Variants in LINGO2 observed in about 807,000 individuals in gnomAD.
The protein encoded by LINGO2 is leucine-rich repeat and immunoglobulin-like domain-containing nogo receptor-interacting protein 2.
LINGO2 carries 14 observed loss-of-function variants against 30.6 expected under a neutral mutation model. The ratio of observed to expected loss-of-function variants is 0.46; its 90% CI spans 0.30 to 0.72. The LOEUF (loss-of-function observed/expected upper bound fraction) is 0.72. LINGO2 is among the 30% of genes least tolerant of loss of function. LINGO2 has a pLI of 0.07. For missense variants in LINGO2, 729 were observed against 751.7 expected (o/e 0.97, Z 0.35); for synonymous variants, 317 against 288.5 (o/e 1.10, Z -1.00).
chr9:29,033,378 C>CTATATATATATATATATATATATATATA, the LINGO2 span, among the ~76,000 whole-genome samples: 549 of 140,208 alleles, frequency 3.9e-3, 3 homozygotes, highest in Non-Finnish European at 6.1e-3. Flanking sequence ...AACTGCTTTA[C>CTATATATATATATATATATATATATATA]TATATATATA....
chr9:28,787,895 A>C, the LINGO2 span, among the ~76,000 whole-genome samples: 1 of 152,096 alleles, frequency 6.6e-6, no homozygotes, highest in Non-Finnish European at 1.5e-5. Context: ...TCTTCAACAC[A>C]TTTTCTCTTT....
intron 3 of LINGO2, among the ~76,000 whole-genome samples, chr9:28,322,855 G>A (rs146030675): frequency 2.0e-4 from 31 of 152,218 alleles, no homozygotes; most frequent in African/African-American, 7.0e-4. Context: ...AAAGTAATAA[G>A]ATTGCCTGAC....
chr9:28,288,748 T>C (rs1362890446), intron 4 of LINGO2, among the ~76,000 whole-genome samples: 1 of 152,176 alleles, frequency 6.6e-6, no homozygotes, highest in Admixed American at 6.6e-5. Context: ...CCTCACTAAA[T>C]TCTCAAGATT....
rs540768628 is a variant in LINGO2 at position 28,405,045 on chromosome 9, A to AT, written c.-278-32178_-278-32177insA. Among the ~76,000 whole-genome samples the AT allele has an allele frequency of 5.9e-4, 90 of 152,260 alleles. 1 individual carries two copies. In the South Asian group the frequency reaches 0.019, roughly 32 times the overall value. On this transcript the variant is annotated intron_variant, in intron 2 of 5. Coordinates refer to ENST00000379992, the Ensembl canonical transcript of LINGO2. The stretch of plus-strand genomic sequence containing the variant: ...AATTAAATTTAAAAAGATCTAACTC[A>AT]ATAAGGAGAAGTGTGCCTTTCTCGT...
chr9:28,040,845 A>G (rs985106505), intron 4 of LINGO2, among the ~76,000 whole-genome samples: 2 of 152,140 alleles, frequency 1.3e-5, no homozygotes, highest in Admixed American at 6.5e-5. Flanking sequence ...TTTTCCCACT[A>G]AAAAATATAC....
chr9:28,832,231 C>G, the LINGO2 span, among the ~76,000 whole-genome samples: 18 of 152,252 alleles, frequency 1.2e-4, no homozygotes, highest in East Asian at 3.5e-3. Flanking sequence ...ATTCTTATTA[C>G]CATTTCCTTT....
chr9:28,452,340 G>T (rs1195479048), intron 2 of LINGO2, among the ~76,000 whole-genome samples: 1 of 151,690 alleles, frequency 6.6e-6, no homozygotes, highest in Non-Finnish European at 1.5e-5. Context: ...TTTAGTAGAA[G>T]GCTTGTGTCC....
chr9:29,126,985 C>T, the LINGO2 span, among the ~76,000 whole-genome samples: 1 of 152,092 alleles, frequency 6.6e-6, no homozygotes, highest in Non-Finnish European at 1.5e-5. Flanking sequence ...ACCAGTCAGA[C>T]TGGTCATGGG....
chr9:28,050,227 G>A (rs914179498), intron 4 of LINGO2, among the ~76,000 whole-genome samples: 2 of 150,578 alleles, frequency 1.3e-5, no homozygotes, highest in African/African-American at 4.9e-5. Flanking sequence ...GGTACCATGT[G>A]CCTGGCAGTA....
In LINGO2 at chr9:28,070,877, A is replaced by G. The variant is rs570525166; in HGVS notation, c.-86-58472T>C. Reference sequence around the variant, plus strand: ...ACAGCATGAGTAATCATGTCTGCCTATTTTTTAAAATTCTTATTTTTAGTA... The same window carrying G: ...ACAGCATGAGTAATCATGTCTGCCTGTTTTTTAAAATTCTTATTTTTAGTA... On this transcript the variant is annotated intron_variant, in intron 4 of 5. Transcript: ENST00000379992. Among the ~76,000 whole-genome samples, 15 of 152,054 alleles carry G rather than the reference A, an allele frequency of 9.9e-5. No homozygotes were observed. The South Asian group carries it at 3.1e-3, about 32-fold the overall frequency.
the LINGO2 span, among the ~76,000 whole-genome samples, chr9:28,931,486 T>G: frequency 6.6e-6 from 1 of 152,288 alleles, no homozygotes; most frequent in East Asian, 1.9e-4. Flanking sequence ...CAGGAAGAGA[T>G]CAGATAGCCT....
At chr9:27,946,276 T>C (rs1823361122), downstream of LINGO2, among the ~76,000 whole-genome samples, 1 of 152,156 alleles carries the variant, frequency 6.6e-6, no homozygotes. Context: ...ATTTCCCTGA[T>C]AGACTGGTCA....
intron 2 of LINGO2, among the ~76,000 whole-genome samples, chr9:28,425,588 G>A (rs2134908209): frequency 6.6e-6 from 1 of 152,060 alleles, no homozygotes; most frequent in East Asian, 1.9e-4. Flanking sequence ...TTGCGACTGT[G>A]TTGATAAGGG....
chr9:28,279,560 T>C (rs1249954911), intron 4 of LINGO2, among the ~76,000 whole-genome samples: 1 of 152,196 alleles, frequency 6.6e-6, no homozygotes, highest in Admixed American at 6.5e-5. Flanking sequence ...AGGTTAGCAT[T>C]CTTTAGCTTA....
intron 1 of LINGO2, among the ~76,000 whole-genome samples, chr9:28,529,308 C>T (rs1022644453): frequency 6.6e-6 from 1 of 152,130 alleles, no homozygotes; most frequent in Admixed American, 6.6e-5. Flanking sequence ...TTATATTCTT[C>T]TCCATACTAG....
chr9:28,570,981 GA>G (rs1298277621), intron 1 of LINGO2, among the ~76,000 whole-genome samples: 3 of 150,586 alleles, frequency 2.0e-5, no homozygotes, highest in African/African-American at 4.9e-5. Context: ...GAAAAAAAAA[GA>G]ATAAGAAAAA....
intron 1 of LINGO2, among the ~76,000 whole-genome samples, chr9:28,575,927 T>TATACAC (rs1823958097): frequency 2.7e-5 from 4 of 149,422 alleles, no homozygotes; most frequent in African/African-American, 9.9e-5. Flanking sequence ...AGCCTTGAAA[T>TATACAC]ACACACACAC....
the LINGO2 span, among the ~76,000 whole-genome samples, chr9:29,050,322 C>A: frequency 4.6e-5 from 7 of 152,324 alleles, no homozygotes; most frequent in East Asian, 1.3e-3. Context: ...CCACGCCCAG[C>A]CTTATGCGCT....
the LINGO2 span, among the ~76,000 whole-genome samples, chr9:28,909,314 C>A: frequency 4.6e-5 from 7 of 151,842 alleles, no homozygotes; most frequent in Non-Finnish European, 7.4e-5. Flanking sequence ...CTTATATCAG[C>A]ATAAGTCAAA....
Sources: gnomAD v4.1 joint callset for allele counts (sites outside exome capture counted in the v4.1 genomes callset) on GRCh38, gnomAD v4.1.1 for gene constraint, MANE v1.5 for transcripts, NCBI Gene and HGNC (gene_info 2026-07-23, HGNC 2026-07-21) for gene names.